SCHIP1: variants seen among roughly 807,000 people sequenced by gnomAD.
The protein encoded by SCHIP1 is schwannomin interacting protein 1, also known as schwannomin-interacting protein 1.
A neutral mutation model predicts 29.7 loss-of-function variants in SCHIP1; 8 were observed. The observed-to-expected ratio is 0.27, with a 90% CI of 0.16 to 0.49. The LOEUF (loss-of-function observed/expected upper bound fraction) is 0.49, where lower values mean the gene tolerates loss of function less well. Among genes scored for constraint, SCHIP1 ranks in the 20% least tolerant of loss-of-function variants. The pLI is 0.99. For synonymous variants in SCHIP1, 76 were observed against 94.9 expected (o/e 0.80, Z 1.16); for missense variants, 193 against 294.6 (o/e 0.66, Z 2.52).
At chr3:159,895,991 T>A (rs1718024559) in intron 6 of SCHIP1, among the ~76,000 whole-genome samples, 1 of 152,228 alleles carries the variant, frequency 6.6e-6, no homozygotes, top group Non-Finnish European at 1.5e-5. Context: ...CCACTGGACC[T>A]GGCCCATAAT....
chr3:159,617,177 T>G, the SCHIP1 span, among the ~76,000 whole-genome samples: 1 of 152,184 alleles, frequency 6.6e-6, no homozygotes, highest in Non-Finnish European at 1.5e-5. Flanking sequence ...GCTAGAGATA[T>G]CTGGTAAGCA....
At chr3:159,839,286 C>CA (rs1743974647), upstream of SCHIP1, among the ~76,000 whole-genome samples, 1 of 116,858 alleles carries the variant, frequency 8.6e-6, no homozygotes. Flanking sequence ...CAAAGCCTTA[C>CA]ATTAAAAAAA....
chr3:159,764,378 G>GGGCGGGT, the SCHIP1 span: 1 of 1,505,676 alleles, frequency 6.6e-7, no homozygotes, highest in African/African-American at 1.4e-5. The surrounding 1 kb of genome is among the most constrained non-coding windows in gnomAD (Gnocchi z 6.1). Flanking sequence ...GGGGCATTTG[G>GGGCGGGT]GGCGGGTGGC....
At chr3:159,843,122 C>T (rs1429032532) in intron 1 of SCHIP1, among the ~76,000 whole-genome samples, 1 of 147,220 alleles carries the variant, frequency 6.8e-6, no homozygotes, top group Non-Finnish European at 1.5e-5. Context: ...AAGCAATTCT[C>T]CTACCTCAGT....
the SCHIP1 span, among the ~76,000 whole-genome samples, chr3:159,396,173 G>A: frequency 1.4e-5 from 2 of 147,736 alleles, no homozygotes; most frequent in Non-Finnish European, 3.0e-5. Flanking sequence ...CATTTGCTTG[G>A]TAGATCTTCC....
At chr3:159,882,097 TTC>T (rs1450587647) in intron 2 of SCHIP1, among the ~76,000 whole-genome samples, 2 of 152,188 alleles carry the variant, frequency 1.3e-5, no homozygotes, top group African/African-American at 4.8e-5. Flanking sequence ...TAGACTCCAC[TTC>T]TCAATGGGAG....
chr3:159,309,770 G>A, the SCHIP1 span, among the ~76,000 whole-genome samples: 1 of 152,200 alleles, frequency 6.6e-6, no homozygotes, highest in Admixed American at 6.5e-5. Flanking sequence ...CTAAGCTTTA[G>A]TTCTAATAAA....
the SCHIP1 span, among the ~76,000 whole-genome samples, chr3:159,713,065 G>A: frequency 6.6e-6 from 1 of 151,304 alleles, no homozygotes; most frequent in South Asian, 2.1e-4. Context: ...TGAGGCAGGA[G>A]AATTGCTTGA....
the SCHIP1 span, among the ~76,000 whole-genome samples, chr3:159,320,263 G>A: frequency 3.3e-5 from 5 of 152,054 alleles, no homozygotes; most frequent in African/African-American, 7.2e-5. Context: ...CATGTGTAGT[G>A]CCCTTATTAA....
chr3:159,732,408 T>C, the SCHIP1 span, among the ~76,000 whole-genome samples: 54 of 152,204 alleles, frequency 3.5e-4, no homozygotes, highest in African/African-American at 1.2e-3. Context: ...TCCTTGCTGC[T>C]GTGCAGGTGA....
At chr3:159,725,903 A>G in the SCHIP1 span, among the ~76,000 whole-genome samples, 1 of 152,226 alleles carries the variant, frequency 6.6e-6, no homozygotes, top group Non-Finnish European at 1.5e-5. Context: ...TTTGTAAAAG[A>G]ATGGAAATAA....
the SCHIP1 span, among the ~76,000 whole-genome samples, chr3:159,519,193 G>A: frequency 6.6e-5 from 10 of 152,062 alleles, no homozygotes; most frequent in Admixed American, 4.6e-4. Flanking sequence ...TAGATTTAAA[G>A]TATATTGAAG....
chr3:159,416,645 A>T, the SCHIP1 span, among the ~76,000 whole-genome samples: 1 of 152,216 alleles, frequency 6.6e-6, no homozygotes, highest in African/African-American at 2.4e-5. Flanking sequence ...TCAATAATTC[A>T]TCAACATCCT....
chr3:159,794,620 T>G, the SCHIP1 span, among the ~76,000 whole-genome samples: 3 of 152,246 alleles, frequency 2.0e-5, no homozygotes, highest in Admixed American at 2.0e-4. Context: ...GTCAGTATAC[T>G]TGTATTTCAA....
the SCHIP1 span, among the ~76,000 whole-genome samples, chr3:159,680,000 TG>T: frequency 1.3e-5 from 2 of 151,928 alleles, no homozygotes; most frequent in East Asian, 3.9e-4. Context: ...CTGTCCCTGC[TG>T]TATTGCTAAG....
chr3:159,688,050 G>T, the SCHIP1 span, among the ~76,000 whole-genome samples: 1 of 152,170 alleles, frequency 6.6e-6, no homozygotes, highest in Non-Finnish European at 1.5e-5. Flanking sequence ...GAATAGTGCT[G>T]CAGTAAATGT....
At chr3:159,843,523 A>C (rs1018127058) in intron 1 of SCHIP1, among the ~76,000 whole-genome samples, 9 of 152,116 alleles carry the variant, frequency 5.9e-5, no homozygotes, top group Non-Finnish European at 1.3e-4. Flanking sequence ...ATTGACTAAC[A>C]AAAAAGGCAT....
At chr3:159,299,563 A>G in the SCHIP1 span, among the ~76,000 whole-genome samples, 1 of 152,196 alleles carries the variant, frequency 6.6e-6, no homozygotes, top group South Asian at 2.1e-4. Context: ...TTGTTGCCAG[A>G]ACGTAAAAAA....
At chr3:159,399,506 T>G in the SCHIP1 span, among the ~76,000 whole-genome samples, 5 of 152,188 alleles carry the variant, frequency 3.3e-5, no homozygotes, top group Admixed American at 1.3e-4. Flanking sequence ...TCTATATTAA[T>G]GTTTGCTTAG....
Sources: allele counts gnomAD v4.1 joint callset (sites outside exome capture counted in the v4.1 genomes callset), GRCh38; gene constraint gnomAD v4.1.1; non-coding constraint Gnocchi (gnomAD v3.1); transcripts MANE v1.5; gene names NCBI Gene and HGNC (gene_info 2026-07-23, HGNC 2026-07-21).